Variants in ADGRL3 observed in about 807,000 individuals in gnomAD.
ADGRL3 encodes calcium-independent alpha-latrotoxin receptor 3.
Under a neutral mutation model 153.5 loss-of-function variants are expected in ADGRL3, and 62 were observed. The observed-to-expected ratio is 0.40, with a 90% CI of 0.33 to 0.50. The LOEUF is 0.50. Ranked by LOEUF, ADGRL3 falls within the 20% of genes least tolerant of loss-of-function variation. The pLI is 0.47. For missense variants in ADGRL3, 1,641 were observed against 1,859.4 expected, an observed-to-expected ratio of 0.88 and a Z score of 2.16; for synonymous variants, 710 against 672.5, an observed-to-expected ratio of 1.06 and a Z score of -0.86.
intron 5 of ADGRL3, among the ~76,000 whole-genome samples, chr4:61,668,934 G>T (rs929019081): frequency 1.1e-4 from 16 of 152,220 alleles, no homozygotes; most frequent in Admixed American, 3.9e-4. Flanking sequence ...TAAGAGGATA[G>T]CTTGAGCTGC....
At chr4:61,610,977 C>T (rs1204950810) in intron 5 of ADGRL3, among the ~76,000 whole-genome samples, 1 of 151,788 alleles carries the variant, frequency 6.6e-6, no homozygotes, top group African/African-American at 2.4e-5. Context: ...CTTTCTTTCC[C>T]CACACGAGAC....
chr4:61,742,599 T>C (rs931628332), intron 8 of ADGRL3, among the ~76,000 whole-genome samples: 2 of 152,066 alleles, frequency 1.3e-5, no homozygotes, highest in Non-Finnish European at 2.9e-5. Flanking sequence ...CATTTTTAAG[T>C]AGTGTTCAAA....
At chr4:61,348,488 A>C (rs1012469321) in intron 1 of ADGRL3, among the ~76,000 whole-genome samples, 12 of 152,148 alleles carry the variant, frequency 7.9e-5, no homozygotes, top group Admixed American at 2.6e-4. Context: ...TATTCAAATG[A>C]GTATCCTAGT....
At chr4:61,815,008 T>C in intron 9 of ADGRL3, among the ~76,000 whole-genome samples, 1 of 152,064 alleles carries the variant, frequency 6.6e-6, no homozygotes, top group East Asian at 1.9e-4. Flanking sequence ...GCTTGGCACA[T>C]AATGGAAACT....
chr4:61,661,617 G>T (rs1054667843), intron 5 of ADGRL3, among the ~76,000 whole-genome samples: 10 of 152,028 alleles, frequency 6.6e-5, no homozygotes, highest in African/African-American at 2.4e-4. Context: ...TTAAAGGAAA[G>T]AACAGTGTTA....
At chr4:61,735,686 AAAT>A (rs1561146216) in intron 8 of ADGRL3, among the ~76,000 whole-genome samples, 1 of 152,202 alleles carries the variant, frequency 6.6e-6, no homozygotes, top group Non-Finnish European at 1.5e-5. Context: ...AAGGAATAAT[AAAT>A]AATAACTTAT....
intron 8 of ADGRL3, among the ~76,000 whole-genome samples, chr4:61,788,399 T>A (rs2097302373): frequency 6.6e-6 from 1 of 152,094 alleles, no homozygotes; most frequent in South Asian, 2.1e-4. Flanking sequence ...CAGAACCCCG[T>A]AGCTCTGCTG....
chr4:61,638,526 A>T lies in ADGRL3; in HGVS notation c.474-38300A>T, dbSNP rs549148430. On this transcript the variant is annotated intron_variant, in intron 5 of 26. Transcript: ENST00000683033. ...GCAATAAAAAAAGAAACATTTAGTT[A>T]TTCTGGCATACAGTCCACTTTTTAA... Among the ~76,000 whole-genome samples the T allele has an allele frequency of 1.4e-4, 21 of 152,276 alleles. 1 individual carries two copies. In the South Asian group the frequency reaches 4.3e-3, roughly 32 times the overall value.
intron 25 of ADGRL3, among the ~76,000 whole-genome samples, chr4:62,047,999 T>A (rs903870055): frequency 2.6e-5 from 4 of 152,128 alleles, no homozygotes; most frequent in African/African-American, 9.7e-5. Context: ...TCATAGGACT[T>A]CAGGATGGTT....
chr4:61,809,880 G>T (rs80241057), intron 8 of ADGRL3, among the ~76,000 whole-genome samples: 6 of 151,940 alleles, frequency 3.9e-5, no homozygotes, highest in Non-Finnish European at 7.4e-5. Context: ...TACTACCTAC[G>T]TATAAATTCA....
At chr4:61,423,893 A>G (rs1230308841) in intron 2 of ADGRL3, among the ~76,000 whole-genome samples, 3 of 152,180 alleles carry the variant, frequency 2.0e-5, no homozygotes, top group African/African-American at 7.2e-5. Context: ...TTTAAAGGTG[A>G]GTTTTTGATG....
chr4:61,950,014 G>A (rs1172246034), intron 17 of ADGRL3, among the ~76,000 whole-genome samples: 2 of 152,078 alleles, frequency 1.3e-5, no homozygotes, highest in African/African-American at 2.4e-5. Flanking sequence ...TGCAAAGATC[G>A]AACATTCTTT....
chr4:61,417,604 T>A (rs1241280442), intron 2 of ADGRL3, among the ~76,000 whole-genome samples: 4 of 110,224 alleles, frequency 3.6e-5, no homozygotes, highest in Non-Finnish European at 2.2e-5. Context: ...TTTGAGGTGA[T>A]TTTTTTTGTA....
chr4:61,807,448 A>G (rs1459038319), intron 8 of ADGRL3, among the ~76,000 whole-genome samples: 2 of 152,056 alleles, frequency 1.3e-5, no homozygotes, highest in Non-Finnish European at 2.9e-5. Context: ...TTTAACCACC[A>G]AGTCTATTTT....
intron 1 of ADGRL3, among the ~76,000 whole-genome samples, chr4:61,207,204 C>T (rs1483777382): frequency 6.6e-6 from 1 of 152,026 alleles, no homozygotes; most frequent in East Asian, 1.9e-4. Context: ...CCCCTAGCCT[C>T]CACCCTGCAA....
intron 8 of ADGRL3, among the ~76,000 whole-genome samples, chr4:61,739,744 C>G (rs1486347815): frequency 6.6e-6 from 1 of 152,136 alleles, no homozygotes; most frequent in African/African-American, 2.4e-5. Flanking sequence ...ACCAGCTTCT[C>G]CCTTGCTTCA....
intron 6 of ADGRL3, among the ~76,000 whole-genome samples, chr4:61,716,033 T>G (rs2151554305): frequency 6.6e-6 from 1 of 152,062 alleles, no homozygotes; most frequent in South Asian, 2.1e-4. Flanking sequence ...ATTCCTCAAT[T>G]ACCAGCTTAA....
intron 5 of ADGRL3, among the ~76,000 whole-genome samples, chr4:61,664,672 TATC>T (rs1428858448): frequency 1.3e-5 from 2 of 152,228 alleles, no homozygotes. Context: ...AAATGCCTCA[TATC>T]ATATACATTT....
chr4:61,878,292 A>G (rs2098487679), intron 9 of ADGRL3, among the ~76,000 whole-genome samples: 1 of 152,198 alleles, frequency 6.6e-6, no homozygotes, highest in Admixed American at 6.5e-5. Flanking sequence ...GAAGTACTCA[A>G]GATTAGAACT....
Sources: gnomAD v4.1 joint callset for allele counts (sites outside exome capture counted in the v4.1 genomes callset) on GRCh38, gnomAD v4.1.1 for gene constraint, MANE v1.5 for transcripts, NCBI Gene and HGNC (gene_info 2026-07-23, HGNC 2026-07-21) for gene names.